HIP1R: variants seen among roughly 807,000 people sequenced by gnomAD.
The protein encoded by HIP1R is huntingtin-interacting protein 1-related protein.
In HIP1R, 135 loss-of-function variants were observed where a neutral mutation model predicts 144.2. The observed-to-expected ratio is 0.94, with a 90% CI of 0.81 to 1.08. HIP1R has a LOEUF of 1.08. Among genes scored for constraint, HIP1R ranks in the 50% least tolerant of loss-of-function variants. The probability of loss-of-function intolerance (pLI) is 0.00; values close to 1 mark genes in which losing one functional copy is unlikely to be tolerated. For synonymous variants in HIP1R, 698 were observed against 612.8 expected, an observed-to-expected ratio of 1.14 and a Z score of -2.05; for missense variants, 1,462 against 1,432.8, an observed-to-expected ratio of 1.02 and a Z score of -0.33.
In HIP1R at chr12:122,857,100, A is replaced by C; in HGVS notation, c.1700A>C (p.Glu567Ala). ...DALSGAVRQR[E>A]ADLLAAQSLV... ...CTGAGTGGAGCTGTGCGGCAGCGGGAGGCAGACCTGCTGGCGGCGCAGAGC... is the reference window on the plus strand; with the variant it reads ...CTGAGTGGAGCTGTGCGGCAGCGGGCGGCAGACCTGCTGGCGGCGCAGAGC... The change falls in exon 18 of 32, where the codon GAG becomes GCG. Residue 567 changes from glutamate to alanine, a missense_variant. This residue lies in a region of HIP1R where 1,112 missense variants were observed against 1,011.7 expected (regional missense o/e 1.10). Coordinates refer to ENST00000253083, the MANE Select transcript of HIP1R (RefSeq NM_003959.3). 1 of 1,551,122 alleles carries C rather than the reference A, an allele frequency of 6.4e-7. No individual in the cohort carries two copies. The highest frequency in any genetic ancestry group is 8.7e-7 in the Non-Finnish European group (1 of 1,147,354).
At position 122,859,312 on chromosome 12, in the gene HIP1R, A is replaced by G. The variant is rs551029128; in HGVS notation, c.2296-114A>G. The G allele has an allele frequency of 9.5e-6, 14 of 1,473,126 alleles. No homozygotes were observed. The African/African-American group carries it at 1.9e-4, about 20-fold the overall frequency. The allele number at this position is 1,473,126 out of a possible 1,614,324, so 91.3% of individuals were successfully genotyped here. On this transcript the variant is annotated intron_variant, in intron 22 of 31. Transcript: ENST00000253083. ...CGTGGAGCCTGCAGCCTCAGGACAC[A>G]GGGTGGGGACCATGCACCCTCCTCG...
At chr12:122,850,164 T>C (rs1566105871) in intron 5 of HIP1R, 1 of 681,800 alleles carries the variant, frequency 1.5e-6, no homozygotes, top group Non-Finnish European at 2.7e-6. Context: ...TCCGTGGACG[T>C]GGGCACGGGC....
In HIP1R at chr12:122,836,696, T is replaced by C. The variant is rs1278503547; in HGVS notation, c.93+1053T>C. On this transcript the variant is annotated intron_variant, in intron 1 of 31. Transcript: ENST00000253083. This position sits in a 1 kb window ranked among gnomAD's most constrained non-coding sequence, Gnocchi z 4.1. ...CTGTCTAAAGCAGGTTGGTGACATTTGCGTTTGTGGCGGCTATTTGCAAGT... is the reference window on the plus strand; with the variant it reads ...CTGTCTAAAGCAGGTTGGTGACATTCGCGTTTGTGGCGGCTATTTGCAAGT... 6.6e-6 allele frequency among the ~76,000 whole-genome samples: 1 copy of C among 152,216 alleles called. No homozygotes were observed. The highest frequency in any genetic ancestry group is 1.5e-5 in the Non-Finnish European group (1 of 68,038).
At chr12:122,844,794 C>T (rs2033162027) in intron 1 of HIP1R, among the ~76,000 whole-genome samples, 3 of 152,184 alleles carry the variant, frequency 2.0e-5, no homozygotes, top group South Asian at 2.1e-4. Context: ...TCAAAGGCTG[C>T]GCTGCCCTGA....
chr12:122,835,537 G>A lies in HIP1R; in HGVS notation c.-14G>A, dbSNP rs1343286676. ...CGCGGACGGAGCCGGACAAAAGCGG[G>A]CGGCGGCGGCAGGATGAACAGCATC... is the stretch of plus-strand genomic sequence containing the variant. On this transcript the variant is annotated 5_prime_UTR_variant, in exon 1 of 32. Coordinates refer to ENST00000253083, the MANE Select transcript of HIP1R (RefSeq NM_003959.3). 2.2e-6 allele frequency: 3 copies of A among 1,335,346 alleles called. No individual in the cohort carries two copies. The highest frequency in any genetic ancestry group is 2.9e-6 in the Non-Finnish European group (3 of 1,035,376). The allele number at this position is 1,335,346 out of a possible 1,614,324, so 82.7% of individuals were successfully genotyped here.
chr12:122,856,532 G>C lies in HIP1R; in HGVS notation c.1502G>C (p.Arg501Pro), dbSNP rs199708711. The part of the protein sequence containing the change: ...QLAFQVEQVK[R>P]ESELKLEEKS... ...GCCTTCCAGGTGGAGCAGGTGAAGC[G>C]GGAGTCGGAGTTGAAGGTATGTCCC... Residue 501 changes from arginine to proline, a missense_variant, in exon 16 of 32, where the codon CGG becomes CCG. By Grantham distance (103) the Arg-to-Pro change is moderately radical. Transcript: ENST00000253083. 6.3e-7 allele frequency: 1 copy of C among 1,599,624 alleles called. No homozygotes were observed. Among genetic ancestry groups the C allele is most frequent in the East Asian group, 2.3e-5 (1 of 44,328 alleles).
In HIP1R at chr12:122,861,043, A is replaced by C; in HGVS notation, c.2890+4A>C. On this transcript the variant is annotated splice_donor_region_variant and intron_variant, in intron 29 of 31. Transcript: ENST00000253083. ...CAGGAGCAGATTGAGGACAGAGGTGAGTGCCAGATGCCAACGGGGGCTGCT... is the reference window on the plus strand; with the variant it reads ...CAGGAGCAGATTGAGGACAGAGGTGCGTGCCAGATGCCAACGGGGGCTGCT... 2.5e-6 allele frequency: 4 copies of C among 1,613,610 alleles called. No individual in the cohort carries two copies. The highest frequency in any genetic ancestry group is 2.5e-6 in the Non-Finnish European group (3 of 1,179,982).
At chr12:122,843,812 C>G (rs10847869) in intron 1 of HIP1R, among the ~76,000 whole-genome samples, 121,639 of 152,218 alleles carry the variant, frequency 0.8, 49,597 homozygotes, top group Middle Eastern at 0.9. Context: ...CCTCCAACTC[C>G]CTTCTGCAAG....
In HIP1R at chr12:122,836,334, C is replaced by A. The variant is rs1446463120; in HGVS notation, c.93+691C>A. 6.6e-6 allele frequency among the ~76,000 whole-genome samples: 1 copy of A among 152,102 alleles called. No individual in the cohort carries two copies. Among genetic ancestry groups the A allele is most frequent in the Non-Finnish European group, 1.5e-5 (1 of 68,024 alleles). ...CACCCCCTCATTAAATACCGGCGCC[C>A]GACAGACAGAAACTTCCTGGGGCTC... On this transcript the variant is annotated intron_variant, in intron 1 of 31. Coordinates refer to ENST00000253083, the MANE Select transcript of HIP1R (RefSeq NM_003959.3). The surrounding 1 kb of genome is among the most constrained non-coding windows in gnomAD (Gnocchi z 4.1).
In HIP1R at chr12:122,861,524, G is replaced by A. The variant is rs746109371; in HGVS notation, c.3159+10G>A. 8.7e-6 allele frequency: 14 copies of A among 1,607,012 alleles called. No homozygotes were observed. The highest frequency in any genetic ancestry group is 3.4e-5 in the Admixed American group (2 of 59,322). On this transcript the variant is annotated intron_variant, in intron 31 of 31. Transcript: ENST00000253083. ...CAGACAGGACCACCAGGTGCCGTCTGCACTGGGATGGGGGAGTTCCTGGAC... is the reference window on the plus strand; with the variant it reads ...CAGACAGGACCACCAGGTGCCGTCTACACTGGGATGGGGGAGTTCCTGGAC...
chr12:122,835,265 G>A (rs1225635715), upstream of HIP1R, among the ~76,000 whole-genome samples: 1 of 111,688 alleles, frequency 9.0e-6, no homozygotes, highest in Non-Finnish European at 1.9e-5. Flanking sequence ...TGCGGGGAGA[G>A]GCGCGTGTCC....
chr12:122,836,436 C>G lies in HIP1R; in HGVS notation c.93+793C>G, dbSNP rs75691486. ...GAAGGCGTTAGAAATGAAATAAGGG[C>G]GCGGGTGTGCGTTTTGTACTTGTGT... is the stretch of plus-strand genomic sequence containing the variant. On this transcript the variant is annotated intron_variant, in intron 1 of 31. Coordinates refer to ENST00000253083, the MANE Select transcript of HIP1R (RefSeq NM_003959.3). The surrounding 1 kb of genome is among the most constrained non-coding windows in gnomAD (Gnocchi z 4.1). Among the ~76,000 whole-genome samples, 1 of 152,016 alleles carries G rather than the reference C, an allele frequency of 6.6e-6. No individual in the cohort carries two copies. Among genetic ancestry groups the G allele is most frequent in the African/African-American group, 2.4e-5 (1 of 41,332 alleles).
Position 122,862,228 on chromosome 12 carries a change from T to C in HIP1R, c.*475T>C, listed in dbSNP as rs1393272023. 1 of 159,960 alleles carries C rather than the reference T, an allele frequency of 6.3e-6. No individual in the cohort carries two copies. The highest frequency in any genetic ancestry group is 2.4e-5 in the African/African-American group (1 of 41,568). 9.9% of individuals were successfully genotyped at this position (159,960 alleles called of 1,614,324 possible). On this transcript the variant is annotated 3_prime_UTR_variant, in exon 32 of 32. Coordinates refer to ENST00000253083, the MANE Select transcript of HIP1R (RefSeq NM_003959.3). ...GGACGAGGGTCAGGCATCCTGTCTG[T>C]GGCCTTCTGGGGCACCGATTCTACC... is the stretch of plus-strand genomic sequence containing the variant.
chr12:122,860,186 G>A lies in HIP1R; in HGVS notation c.2535G>A (p.Gln845=), dbSNP rs1193746967. The A allele has an allele frequency of 1.3e-6, 2 of 1,568,518 alleles. No individual in the cohort carries two copies. The highest frequency in any genetic ancestry group is 1.4e-5 in the African/African-American group (1 of 74,036). The change falls in exon 26 of 32, where the codon CAG becomes CAA. Residue 845 remains glutamine (Q), a synonymous_variant. Coordinates refer to ENST00000253083, the MANE Select transcript of HIP1R (RefSeq NM_003959.3). ...RLLVTTSTSL[Q]KEIVESGRGA... ...TGGTGACGACATCCACTAGCCTGCAGAAGGAGATCGTGGAGAGCGGCAGGG... is the reference window on the plus strand; with the variant it reads ...TGGTGACGACATCCACTAGCCTGCAAAAGGAGATCGTGGAGAGCGGCAGGG...
intron 27 of HIP1R, 65 bp from the exon 28 acceptor site, chr12:122,860,614 T>A: frequency 2.6e-6 from 4 of 1,532,540 alleles, no homozygotes; most frequent in Non-Finnish European, 3.6e-6. Flanking sequence ...GTAGAGGGGG[T>A]GTGGAGTGGT....
intron 29 of HIP1R, 46 bp downstream of exon 29, chr12:122,861,085 T>G (rs2033755462): frequency 6.2e-7 from 1 of 1,613,292 alleles, no homozygotes; most frequent in African/African-American, 1.3e-5. Context: ...CGAGGCTGAA[T>G]GGGGGTGGGT....
intron 18 of HIP1R, 47 bp downstream of exon 18, chr12:122,857,262 T>C (rs1171705122): frequency 6.7e-7 from 1 of 1,502,956 alleles, no homozygotes; most frequent in Non-Finnish European, 9.1e-7. Context: ...CACTGCCGTC[T>C]GGCAACCATC....
intron 1 of HIP1R, among the ~76,000 whole-genome samples, chr12:122,843,826 T>C (rs1406381336): frequency 6.6e-6 from 1 of 152,204 alleles, no homozygotes; most frequent in African/African-American, 2.4e-5. Flanking sequence ...CTGCAAGGTG[T>C]CTCACGGCGC....
rs753951491 is a variant in HIP1R, at chr12:122,856,122, T to A, written c.1271T>A (p.Leu424Gln). 1 of 1,590,204 alleles carries A rather than the reference T, an allele frequency of 6.3e-7. No homozygotes were observed. Among genetic ancestry groups the A allele is most frequent in the South Asian group, 1.1e-5 (1 of 88,266 alleles). The change falls in exon 14 of 32, where the codon CTG (leucine) becomes CAG (glutamine). Residue 424 changes from leucine to glutamine, a missense_variant. Leu to Gln is a moderately radical substitution (Grantham distance 113). Around this residue, in one of 2 missense-constraint regions of HIP1R, gnomAD observed 1,112 missense variants for 1,011.7 expected, o/e 1.10. Transcript: ENST00000253083. ...HELAQLRAAQ[L>Q]EGERSQGLRE... Reference sequence around the variant, plus strand: ...CTGGCCCAGCTGAGGGCTGCCCAGCTGGAGGGCGAGCGGAGCCAGGGCCTG... The same window carrying A: ...CTGGCCCAGCTGAGGGCTGCCCAGCAGGAGGGCGAGCGGAGCCAGGGCCTG...
Sources: gnomAD v4.1 joint callset for allele counts (sites outside exome capture counted in the v4.1 genomes callset) on GRCh38, gnomAD v4.1.1 for gene constraint, gnomAD v4.1.1 regional missense constraint, Gnocchi (gnomAD v3.1) non-coding constraint, MANE v1.5 for transcripts, NCBI Gene and HGNC (gene_info 2026-07-23, HGNC 2026-07-21) for gene names.